Variants in XPO6 observed in about 807,000 individuals in gnomAD.
XPO6 encodes the protein exportin 6.
A neutral mutation model predicts 130.0 loss-of-function variants in XPO6; 3 were observed. That is an observed-to-expected ratio of 0.02 (90% confidence interval 0.01 to 0.06). The LOEUF (loss-of-function observed/expected upper bound fraction) is 0.06. Ranked by LOEUF, XPO6 falls within the 10% of genes least tolerant of loss-of-function variation. The pLI is 1.00. For missense variants in XPO6, 970 were observed against 1,393.0 expected (o/e 0.70, Z 4.83); for synonymous variants, 524 against 548.9 (o/e 0.95, Z 0.63).
In XPO6 at chr16:28,101,384, C is replaced by G; in HGVS notation, c.3276+74G>C. On this transcript the variant is annotated intron_variant, in intron 23 of 23. Transcript: ENST00000304658. This position sits in a 1 kb window ranked among gnomAD's most constrained non-coding sequence, Gnocchi z 5.4. Reference sequence around the variant, plus strand: ...ACGCCCAGAGGCCTCAATGTGCCCCCTCCTTGCTGCACAGGTGCCAGGCTT... The same window carrying G: ...ACGCCCAGAGGCCTCAATGTGCCCCGTCCTTGCTGCACAGGTGCCAGGCTT... 2 of 1,377,004 alleles carry G rather than the reference C, an allele frequency of 1.5e-6. No individual in the cohort carries two copies. The highest frequency in any genetic ancestry group is 1.0e-6 in the Non-Finnish European group (1 of 970,680). The allele number at this position is 1,377,004 out of a possible 1,614,324, so 85.3% of individuals were successfully genotyped here. A position where few individuals can be genotyped will look rare whatever the true frequency, so the allele number is the denominator to read the frequency against.
chr16:28,210,561 G>A (rs1283199957), intron 1 of XPO6, among the ~76,000 whole-genome samples: 1 of 152,240 alleles, frequency 6.6e-6, no homozygotes, highest in Non-Finnish European at 1.5e-5. Context: ...AAAGGCAAAT[G>A]CTTAACAAAG....
chr16:28,134,188 T>TG (rs776525786), intron 10 of XPO6, among the ~76,000 whole-genome samples: 2 of 152,210 alleles, frequency 1.3e-5, no homozygotes, highest in African/African-American at 2.4e-5. Flanking sequence ...GATACAGAGA[T>TG]GGAGAGCCAC....
Position 28,167,918 on chromosome 16 carries a change from T to C in XPO6, c.566-1333A>G, listed in dbSNP as rs1029354959. On this transcript the variant is annotated intron_variant, in intron 5 of 23. Coordinates refer to ENST00000304658, the MANE Select transcript of XPO6 (RefSeq NM_015171.4). ...AAGTAGATTAGTGAATGCCAGGGAT[T>C]GGGGGAGAGGAGAATGGGGCGGGGT... is the stretch of plus-strand genomic sequence containing the variant. 1.8e-4 allele frequency among the ~76,000 whole-genome samples: 14 copies of C among 79,638 alleles called. 1 individual carries two copies. The highest frequency in any genetic ancestry group is 1.6e-3 in the Admixed American group (9 of 5,710). The allele number at this position is 79,638 out of a possible 152,430, so 52.2% of individuals were successfully genotyped here.
intron 1 of XPO6, among the ~76,000 whole-genome samples, chr16:28,192,715 G>A (rs1047831019): frequency 1.3e-5 from 2 of 152,134 alleles, no homozygotes; most frequent in Non-Finnish European, 2.9e-5. Context: ...AAATGAGAGG[G>A]TGGAGACAGG....
chr16:28,179,669 T>C (rs2043586007), intron 2 of XPO6, among the ~76,000 whole-genome samples: 1 of 152,210 alleles, frequency 6.6e-6, no homozygotes, highest in South Asian at 2.1e-4. Flanking sequence ...GGTGGAGCCC[T>C]TTGAAGAAAA....
At chr16:28,116,328 G>A (rs1341850824) in intron 15 of XPO6, among the ~76,000 whole-genome samples, 2 of 152,164 alleles carry the variant, frequency 1.3e-5, no homozygotes, top group Admixed American at 6.5e-5. Context: ...CAGGCAAGGC[G>A]GCAGGCGCCA....
chr16:28,165,675 A>G (rs2043346114), intron 6 of XPO6, among the ~76,000 whole-genome samples: 1 of 152,206 alleles, frequency 6.6e-6, no homozygotes, highest in Non-Finnish European at 1.5e-5. Flanking sequence ...GAGACGTCTG[A>G]CTTCCACAGC....
intron 13 of XPO6, among the ~76,000 whole-genome samples, chr16:28,122,457 T>TA (rs2087268506): frequency 6.6e-6 from 1 of 151,992 alleles, no homozygotes; most frequent in Non-Finnish European, 1.5e-5. Flanking sequence ...CCCTGTCTTT[T>TA]AAAATTTTAT....
chr16:28,160,513 A>G (rs1302105134), intron 6 of XPO6, among the ~76,000 whole-genome samples: 4 of 151,658 alleles, frequency 2.6e-5, no homozygotes, highest in Non-Finnish European at 5.9e-5. Flanking sequence ...CCAAAAAAAA[A>G]AAAAAAATCA....
chr16:28,156,606 A>T, intron 6 of XPO6, 79 bp from the exon 7 acceptor site: 1 of 807,224 alleles, frequency 1.2e-6, no homozygotes, highest in South Asian at 2.4e-5. Context: ...CTTCAAAAAA[A>T]TATATATATA....
chr16:28,149,267 C>T (rs528233043), intron 8 of XPO6, among the ~76,000 whole-genome samples: 1 of 152,138 alleles, frequency 6.6e-6, no homozygotes, highest in African/African-American at 2.4e-5. Flanking sequence ...GCTCAGCAAG[C>T]AAAGCAAGGC....
chr16:28,127,905 T>G (rs190722441), intron 12 of XPO6, among the ~76,000 whole-genome samples: 3 of 152,264 alleles, frequency 2.0e-5, no homozygotes, highest in Admixed American at 2.0e-4. Context: ...AGGACAGCAG[T>G]GCCCTGGCGC....
intron 6 of XPO6, among the ~76,000 whole-genome samples, chr16:28,163,213 C>T (rs1266070799): frequency 6.6e-6 from 1 of 152,216 alleles, no homozygotes; most frequent in Non-Finnish European, 1.5e-5. Context: ...GTAAGTGACC[C>T]TCCCAAGTCC....
At chr16:28,167,352 GA>G in intron 5 of XPO6, 1 of 985,348 alleles carries the variant, frequency 1.0e-6, no homozygotes, top group Non-Finnish European at 1.2e-6. Context: ...AAACAGGCTG[GA>G]AATCCTGGCT....
Position 28,211,664 on chromosome 16 carries a change from C to A in XPO6, c.-296G>T. On this transcript the variant is annotated 5_prime_UTR_variant, in exon 1 of 24. Transcript: ENST00000304658. Reference sequence around the variant, plus strand: ...GAGGAGGGCAGCTGCTCGGGACCCCCGCCCGGGCCCGACCCCCGCGGGGGA... The same window carrying A: ...GAGGAGGGCAGCTGCTCGGGACCCCAGCCCGGGCCCGACCCCCGCGGGGGA... 2.5e-6 allele frequency: 1 copy of A among 396,638 alleles called. No homozygotes were observed. Among genetic ancestry groups the A allele is most frequent in the South Asian group, 1.4e-4 (1 of 7,356 alleles). 24.6% of individuals were successfully genotyped at this position (396,638 alleles called of 1,614,324 possible). A position where few individuals can be genotyped will look rare whatever the true frequency, so the allele number is the denominator to read the frequency against.
chr16:28,111,721 T>A (rs922157378), intron 17 of XPO6, 96 bp downstream of exon 17: 80 of 1,427,738 alleles, frequency 5.6e-5, no homozygotes, highest in Non-Finnish European at 7.4e-5. Context: ...ACAAAAAAAA[T>A]TTACCTCAGG....
chr16:28,199,478 T>C (rs1185908673), intron 1 of XPO6, among the ~76,000 whole-genome samples: 6 of 152,038 alleles, frequency 3.9e-5, no homozygotes, highest in African/African-American at 1.4e-4. Flanking sequence ...GGTTTCGCCA[T>C]GTTGGTCAGG....
At chr16:28,200,631 G>A (rs569857538) in intron 1 of XPO6, among the ~76,000 whole-genome samples, 155 of 152,214 alleles carry the variant, frequency 1.0e-3, no homozygotes, top group African/African-American at 3.5e-3. Context: ...AAAAAAACAT[G>A]GGCCTTGGAG....
intron 3 of XPO6, among the ~76,000 whole-genome samples, chr16:28,176,777 G>A (rs2043541538): frequency 6.6e-6 from 1 of 151,778 alleles, no homozygotes; most frequent in South Asian, 2.1e-4. Context: ...CCAAAGTGCT[G>A]GGATTACAGG....
Sources: allele counts gnomAD v4.1 joint callset (sites outside exome capture counted in the v4.1 genomes callset), GRCh38; gene constraint gnomAD v4.1.1; non-coding constraint Gnocchi (gnomAD v3.1); transcripts MANE v1.5; gene names NCBI Gene and HGNC (gene_info 2026-07-23, HGNC 2026-07-21).